ASPH: variants seen among roughly 807,000 people sequenced by gnomAD.
The protein encoded by ASPH is aspartyl/asparaginyl beta-hydroxylase.
ASPH carries 100 observed loss-of-function variants against 118.4 expected under a neutral mutation model. The ratio of observed to expected loss-of-function variants is 0.84; its 90% CI spans 0.72 to 1.00. The LOEUF is 1.00. Ranked by LOEUF, ASPH falls within the 50% of genes least tolerant of loss-of-function variation. ASPH has a pLI of 0.00. For missense variants in ASPH, 920 were observed against 919.5 expected, an observed-to-expected ratio of 1.00 and a Z score of -0.01; for synonymous variants, 315 against 325.6, an observed-to-expected ratio of 0.97 and a Z score of 0.35.
chr8:61,541,944 G>A (rs1439162009), intron 21 of ASPH, among the ~76,000 whole-genome samples: 6 of 152,196 alleles, frequency 3.9e-5, no homozygotes, highest in Non-Finnish European at 7.4e-5. Context: ...ATAAGCAGAA[G>A]TCAGTAACTT....
intron 5 of ASPH, among the ~76,000 whole-genome samples, chr8:61,649,496 T>A (rs1809785062): frequency 6.6e-6 from 1 of 152,112 alleles, no homozygotes; most frequent in Non-Finnish European, 1.5e-5. Flanking sequence ...GCTGCAGCTA[T>A]ATATTTAAAA....
intron 18 of ASPH, among the ~76,000 whole-genome samples, chr8:61,556,672 G>T (rs973686515): frequency 2.0e-5 from 3 of 152,162 alleles, no homozygotes; most frequent in African/African-American, 7.2e-5. Flanking sequence ...ATTATGCAAA[G>T]TGCCTCTAAA....
intron 4 of ASPH, among the ~76,000 whole-genome samples, chr8:61,652,680 G>A (rs1811638264): frequency 6.6e-6 from 1 of 152,060 alleles, no homozygotes; most frequent in African/African-American, 2.4e-5. Flanking sequence ...AAAATTTGAG[G>A]TGCTAAATCC....
At chr8:61,571,040 A>G (rs1475294794) in intron 16 of ASPH, among the ~76,000 whole-genome samples, 1 of 152,236 alleles carries the variant, frequency 6.6e-6, no homozygotes, top group East Asian at 1.9e-4. Context: ...TTGTTGGAAT[A>G]TTCCAAAGTA....
At position 61,703,207 on chromosome 8, in the gene ASPH, C is replaced by T. The variant is rs143103190; in HGVS notation, c.103+11062G>A. ...ATTTTACTTACTTAATGGTAAAATA[C>T]TAAATACTTTGCCACTAAAATCAGA... On this transcript the variant is annotated intron_variant, in intron 1 of 24. Transcript: ENST00000379454. Among the ~76,000 whole-genome samples, 243 of 152,228 alleles carry T rather than the reference C, an allele frequency of 1.6e-3. 5 individuals are homozygous for T. In the East Asian group the frequency reaches 0.045, roughly 28 times the overall value.
chr8:61,656,814 T>C (rs904566860), intron 3 of ASPH: 2 of 152,190 alleles, frequency 1.3e-5, no homozygotes, highest in African/African-American at 4.8e-5. Flanking sequence ...CAACCACTCA[T>C]AGCAAATATG....
chr8:61,518,798 T>A (rs1373038225), intron 22 of ASPH, among the ~76,000 whole-genome samples: 2 of 152,216 alleles, frequency 1.3e-5, no homozygotes, highest in Non-Finnish European at 2.9e-5. Flanking sequence ...CTTTTTCTTG[T>A]AGGGTCATGA....
At chr8:61,697,941 C>T (rs550011170) in intron 1 of ASPH, among the ~76,000 whole-genome samples, 2 of 151,958 alleles carry the variant, frequency 1.3e-5, no homozygotes. Flanking sequence ...CAGGCATGCA[C>T]CGCCATATGC....
intron 14 of ASPH, among the ~76,000 whole-genome samples, chr8:61,590,433 C>A (rs1840755045): frequency 6.6e-6 from 1 of 152,108 alleles, no homozygotes; most frequent in African/African-American, 2.4e-5. Context: ...CAGTGAAGGA[C>A]TCTAGATGGC....
At chr8:61,504,190 T>C (rs1805554703) in intron 24 of ASPH, among the ~76,000 whole-genome samples, 1 of 152,302 alleles carries the variant, frequency 6.6e-6, no homozygotes, top group African/African-American at 2.4e-5. Context: ...TGTTAGTCTA[T>C]TAAGAGAGAA....
At chr8:61,660,373 T>C (rs1816211989) in intron 3 of ASPH, 1 of 152,154 alleles carries the variant, frequency 6.6e-6, no homozygotes, top group Admixed American at 6.6e-5. Context: ...TCCTCCTCCT[T>C]CTGGTAAAAA....
chr8:61,651,775 T>C (rs1210099424), intron 4 of ASPH, among the ~76,000 whole-genome samples: 2 of 152,114 alleles, frequency 1.3e-5, no homozygotes, highest in African/African-American at 4.8e-5. Context: ...ACATAAATGA[T>C]GACATTCCAA....
intron 10 of ASPH, among the ~76,000 whole-genome samples, chr8:61,642,637 G>A (rs552525989): frequency 1.5e-3 from 222 of 152,202 alleles, no homozygotes; most frequent in African/African-American, 4.9e-3. Context: ...AGGCCAAGGC[G>A]GGAGGATCAC....
chr8:61,684,080 G>C lies in ASPH; in HGVS notation c.212C>G (p.Ala71Gly), dbSNP rs776209404. ...GTCAACAAGATCAAACCAAACGACA[G>C]CTACAGATGTCCAGACGCCCAGCAA... ...IALLGVWTSV[A>G]VVWFDLVDYE... Residue 71 changes from alanine (A) to glycine (G), a missense_variant, in exon 2 of 25, where the codon GCT becomes GGT. By Grantham distance (60) the Ala-to-Gly change is moderately conservative (BLOSUM62 0). Coordinates refer to ENST00000379454, the MANE Select transcript of ASPH (RefSeq NM_004318.4). 1.2e-6 allele frequency: 2 copies of C among 1,613,734 alleles called. No homozygotes were observed. Among genetic ancestry groups the C allele is most frequent in the Non-Finnish European group, 8.5e-7 (1 of 1,179,758 alleles).
At chr8:61,690,898 T>A (rs536158624) in intron 1 of ASPH, among the ~76,000 whole-genome samples, 1 of 152,240 alleles carries the variant, frequency 6.6e-6, no homozygotes, top group East Asian at 1.9e-4. Context: ...CCATAAAAAT[T>A]AAATCCGTCT....
At chr8:61,688,527 C>T (rs1831464697) in intron 1 of ASPH, among the ~76,000 whole-genome samples, 1 of 152,148 alleles carries the variant, frequency 6.6e-6, no homozygotes, top group Non-Finnish European at 1.5e-5. Flanking sequence ...TGAACAGTCA[C>T]CAGCTACTTC....
chr8:61,613,582 C>A (rs193014854), intron 14 of ASPH, among the ~76,000 whole-genome samples: 1 of 152,234 alleles, frequency 6.6e-6, no homozygotes, highest in East Asian at 1.9e-4. Flanking sequence ...AAGCACAAGG[C>A]ATCTTGGGAA....
chr8:61,550,618 GTGAGGCC>G (rs1398706153), intron 20 of ASPH, among the ~76,000 whole-genome samples: 1 of 152,224 alleles, frequency 6.6e-6, no homozygotes, highest in African/African-American at 2.4e-5. Flanking sequence ...CCACTGTCCA[GTGAGGCC>G]TGAGAGACAC....
intron 14 of ASPH, among the ~76,000 whole-genome samples, chr8:61,597,154 T>A (rs10105342): frequency 0.02 from 2,949 of 145,818 alleles, 102 homozygotes; most frequent in African/African-American, 0.069. Context: ...GAAGGAAAAA[T>A]TTCAGAACCA....
Sources: gnomAD v4.1 joint callset for allele counts (sites outside exome capture counted in the v4.1 genomes callset) on GRCh38, gnomAD v4.1.1 for gene constraint, MANE v1.5 for transcripts, NCBI Gene and HGNC (gene_info 2026-07-23, HGNC 2026-07-21) for gene names.